ADCY2: variants seen among roughly 807,000 people sequenced by gnomAD.
ADCY2 encodes the protein adenylate cyclase 2, also known as adenylate cyclase type 2.
A neutral mutation model predicts 125.2 loss-of-function variants in ADCY2; 31 were observed. That is an observed-to-expected ratio of 0.25 (90% CI 0.19 to 0.33). ADCY2 has a LOEUF of 0.33. Among genes scored for constraint, ADCY2 ranks in the 10% least tolerant of loss-of-function variants. The probability of loss-of-function intolerance (pLI) is 1.00; values close to 1 mark genes in which losing one functional copy is unlikely to be tolerated. For missense variants in ADCY2, 904 were observed against 1,418.2 expected (o/e 0.64, Z 5.82); for synonymous variants, 512 against 548.4 (o/e 0.93, Z 0.93).
intron 22 of ADCY2, among the ~76,000 whole-genome samples, chr5:7,805,937 A>G (rs545759990): frequency 6.6e-6 from 1 of 152,228 alleles, no homozygotes; most frequent in African/African-American, 2.4e-5. Context: ...ATTATTTTTT[A>G]ATGAGTATGC....
chr5:7,638,523 G>A (rs1738583002), intron 4 of ADCY2, among the ~76,000 whole-genome samples: 1 of 152,278 alleles, frequency 6.6e-6, no homozygotes. Context: ...ACACACTCCT[G>A]GCATGAGGCA....
At chr5:7,665,458 C>G (rs181054246) in intron 4 of ADCY2, among the ~76,000 whole-genome samples, 5 of 152,292 alleles carry the variant, frequency 3.3e-5, no homozygotes, top group Non-Finnish European at 7.3e-5. Flanking sequence ...ACTGAGGCAT[C>G]GAAAGCAGAA....
intron 4 of ADCY2, among the ~76,000 whole-genome samples, chr5:7,690,159 T>C (rs1459432841): frequency 6.6e-6 from 1 of 152,210 alleles, no homozygotes; most frequent in Non-Finnish European, 1.5e-5. Context: ...TCTGACTCCA[T>C]TTTTATAATA....
intron 2 of ADCY2, among the ~76,000 whole-genome samples, chr5:7,436,512 A>G (rs916360262): frequency 1.3e-5 from 2 of 152,220 alleles, no homozygotes; most frequent in African/African-American, 2.4e-5. Flanking sequence ...GTTGACATAT[A>G]GTAAAACCGT....
chr5:7,649,758 C>G (rs144256556), intron 4 of ADCY2, among the ~76,000 whole-genome samples: 1 of 152,308 alleles, frequency 6.6e-6, no homozygotes, highest in African/African-American at 2.4e-5. Context: ...TTAGTATAGT[C>G]TTCATTTGAA....
chr5:7,473,800 T>C (rs1742424042), intron 2 of ADCY2, among the ~76,000 whole-genome samples: 1 of 152,196 alleles, frequency 6.6e-6, no homozygotes, highest in South Asian at 2.1e-4. Flanking sequence ...TCCCAACCTT[T>C]CTTATGAATG....
In ADCY2 at chr5:7,629,054, A is replaced by T. The variant is rs146806427; in HGVS notation, c.720+2738A>T. ...TCCACAGTCACTGTGGCAAACAGTA[A>T]TGTCCTTCAAAGTTCTTCATTCCGG... On this transcript the variant is annotated intron_variant, in intron 4 of 24. Coordinates refer to ENST00000338316, the MANE Select transcript of ADCY2 (RefSeq NM_020546.3). Among the ~76,000 whole-genome samples the T allele has an allele frequency of 1.1e-4, 17 of 152,112 alleles. No homozygotes were observed. In the East Asian group the frequency reaches 3.3e-3, roughly 29 times the overall value.
intron 2 of ADCY2, among the ~76,000 whole-genome samples, chr5:7,437,214 C>T (rs969272559): frequency 6.6e-6 from 1 of 152,182 alleles, no homozygotes; most frequent in East Asian, 1.9e-4. Flanking sequence ...TATGGGTGCT[C>T]AGCCTCCCCT....
intron 4 of ADCY2, among the ~76,000 whole-genome samples, chr5:7,660,237 AGAGAAGGAAG>A (rs1739475607): frequency 1.1e-4 from 15 of 135,844 alleles, no homozygotes; most frequent in East Asian, 2.4e-4. Context: ...GGAGGGAGGG[AGAGAAGGAAG>A]GAAGGAAGGA....
At chr5:7,757,963 C>G (rs1743071271) in intron 16 of ADCY2, among the ~76,000 whole-genome samples, 1 of 152,154 alleles carries the variant, frequency 6.6e-6, no homozygotes, top group Non-Finnish European at 1.5e-5. Flanking sequence ...GGCCCCTCAA[C>G]AGGCTACAGA....
intron 2 of ADCY2, among the ~76,000 whole-genome samples, chr5:7,472,636 G>A (rs1045253075): frequency 1.3e-5 from 2 of 152,096 alleles, no homozygotes; most frequent in South Asian, 2.1e-4. Context: ...AGCAGAGACC[G>A]AGACAGATCA....
At chr5:7,550,626 G>A (rs1026636737) in intron 3 of ADCY2, among the ~76,000 whole-genome samples, 3 of 152,164 alleles carry the variant, frequency 2.0e-5, no homozygotes, top group African/African-American at 7.2e-5. Context: ...TTCTGGAAGA[G>A]TGTTCTTGCC....
chr5:7,823,726 A>C (rs1745374369), intron 24 of ADCY2, among the ~76,000 whole-genome samples: 1 of 152,198 alleles, frequency 6.6e-6, no homozygotes, highest in Admixed American at 6.5e-5. Context: ...ATCCCCTAGC[A>C]GCTTTTAAGC....
chr5:7,548,136 G>A (rs959749322), intron 3 of ADCY2, among the ~76,000 whole-genome samples: 1 of 152,128 alleles, frequency 6.6e-6, no homozygotes, highest in African/African-American at 2.4e-5. Context: ...GTATAGGGCC[G>A]AATTAAACAA....
chr5:7,773,303 A>G (rs1233803391), intron 18 of ADCY2, among the ~76,000 whole-genome samples: 1 of 152,236 alleles, frequency 6.6e-6, no homozygotes, highest in Non-Finnish European at 1.5e-5. Flanking sequence ...CCAAACACAC[A>G]TAGAAGATGT....
intron 7 of ADCY2, among the ~76,000 whole-genome samples, chr5:7,705,361 G>T (rs899893949): frequency 1.1e-4 from 17 of 152,250 alleles, no homozygotes; most frequent in Admixed American, 1.1e-3. Context: ...GGGAGTGCTA[G>T]TTGCCCTCAG....
Position 7,766,727 on chromosome 5 carries a change from C to T in ADCY2, c.2135C>T (p.Ala712Val), listed in dbSNP as rs772704730. Reference protein sequence around the residue: ...SDSEETIPPTANTTNTSFSAS... With the variant: ...SDSEETIPPTVNTTNTSFSAS... ...TCAGAGGAAACAATCCCTCCAACTGCCAACACAACAAACACAAGCTTTTCA... is the reference window on the plus strand; with the variant it reads ...TCAGAGGAAACAATCCCTCCAACTGTCAACACAACAAACACAAGCTTTTCA... The change falls in exon 17 of 25, where the codon GCC becomes GTC. Residue 712 changes from alanine to valine, a missense_variant. Ala to Val is a moderately conservative substitution (Grantham distance 64, BLOSUM62 0). Around this residue, in one of 7 missense-constraint regions of ADCY2, gnomAD observed 221 missense variants for 246.2 expected, o/e 0.90. Transcript: ENST00000338316. 5.6e-6 allele frequency: 9 copies of T among 1,612,606 alleles called. No individual in the cohort carries two copies. The South Asian group carries it at 9.9e-5, about 18-fold the overall frequency.
intron 3 of ADCY2, among the ~76,000 whole-genome samples, chr5:7,531,582 T>A (rs1035967165): frequency 2.0e-5 from 3 of 152,230 alleles, no homozygotes; most frequent in Non-Finnish European, 2.9e-5. Context: ...GGGAGACTGC[T>A]TTTATGCCTC....
At chr5:7,627,594 G>A (rs1308981075) in intron 4 of ADCY2, among the ~76,000 whole-genome samples, 1 of 152,194 alleles carries the variant, frequency 6.6e-6, no homozygotes, top group Admixed American at 6.5e-5. Flanking sequence ...AGCAGTGTTT[G>A]GCATATCATG....
Sources: allele counts gnomAD v4.1 joint callset (sites outside exome capture counted in the v4.1 genomes callset), GRCh38; gene constraint gnomAD v4.1.1; regional missense constraint gnomAD v4.1.1; transcripts MANE v1.5; gene names NCBI Gene and HGNC (gene_info 2026-07-23, HGNC 2026-07-21).